Variants in SYNE2 observed in about 807,000 individuals in gnomAD.
SYNE2 encodes nesprin-2.
Under a neutral mutation model 856.3 loss-of-function variants are expected in SYNE2, and 431 were observed. The ratio of observed to expected loss-of-function variants is 0.50; its 90% CI spans 0.47 to 0.55. The LOEUF (loss-of-function observed/expected upper bound fraction) is 0.55, where lower values mean the gene tolerates loss of function less well. Ranked by LOEUF, SYNE2 falls within the 20% of genes least tolerant of loss-of-function variation. The probability of loss-of-function intolerance (pLI) is 0.00; values close to 1 mark genes in which losing one functional copy is unlikely to be tolerated. For missense variants in SYNE2, 8,129 were observed against 8,023.2 expected, an observed-to-expected ratio of 1.01 and a Z score of -0.50; for synonymous variants, 2,923 against 2,872.3, an observed-to-expected ratio of 1.02 and a Z score of -0.56.
chr14:64,041,447 G>C (rs966822294), intron 45 of SYNE2, among the ~76,000 whole-genome samples: 1 of 151,938 alleles, frequency 6.6e-6, no homozygotes, highest in Admixed American at 6.6e-5. Flanking sequence ...TTAATATCCA[G>C]AATACAAAAA....
At chr14:64,139,844 G>A (rs1339855506) in intron 79 of SYNE2, 97 bp from the exon 80 acceptor site, 1 of 1,193,092 alleles carries the variant, frequency 8.4e-7, no homozygotes, top group South Asian at 1.2e-5. Flanking sequence ...GATCAACATA[G>A]GAGGACATAC....
chr14:63,963,249 A>G (rs2096345585), intron 9 of SYNE2, among the ~76,000 whole-genome samples: 1 of 152,240 alleles, frequency 6.6e-6, no homozygotes, highest in Non-Finnish European at 1.5e-5. Flanking sequence ...TATTAAAAAA[A>G]TAAAATGAAA....
chr14:63,923,391 A>G (rs1371346764), intron 2 of SYNE2, among the ~76,000 whole-genome samples: 1 of 152,278 alleles, frequency 6.6e-6, no homozygotes, highest in Non-Finnish European at 1.5e-5. Flanking sequence ...GGCTCAAAGT[A>G]GAAATCACTG....
chr14:64,185,297 C>T (rs2098483003), intron 96 of SYNE2, among the ~76,000 whole-genome samples: 1 of 152,022 alleles, frequency 6.6e-6, no homozygotes, highest in African/African-American at 2.4e-5. Context: ...GGCATAGTAT[C>T]TTATTTCAGA....
intron 57 of SYNE2, among the ~76,000 whole-genome samples, chr14:64,083,562 T>A (rs1342739817): frequency 2.0e-5 from 3 of 152,210 alleles, no homozygotes; most frequent in African/African-American, 7.2e-5. Flanking sequence ...GGAAAGGAAG[T>A]AGGGACAAGG....
At position 64,134,153 on chromosome 14, in the gene SYNE2, G is replaced by A. The variant is rs146138438; in HGVS notation, c.14599G>A (p.Val4867Met). The A allele has an allele frequency of 2.5e-6, 4 of 1,613,902 alleles. No homozygotes were observed. The highest frequency in any genetic ancestry group is 2.7e-5 in the African/African-American group (2 of 74,920). The stretch of plus-strand genomic sequence containing the variant: ...ATCTACATTGCCCTCTGTGAGTTTG[G>A]TGGAAGAAACAGAGGAAAGATTAGT... ...LISTLPSVSL[V>M]EETEERLVER... Residue 4867 changes from valine to methionine, a missense_variant, in exon 78 of 116, where the codon GTG (valine) becomes ATG (methionine). By Grantham distance (21) the Val-to-Met change is conservative. Around this residue, in one of 3 missense-constraint regions of SYNE2, gnomAD observed 5,410 missense variants for 5,284.8 expected, o/e 1.02. Transcript: ENST00000555002.
chr14:63,987,082 T>C (rs112024756), intron 19 of SYNE2, among the ~76,000 whole-genome samples: 64 of 152,126 alleles, frequency 4.2e-4, no homozygotes, highest in African/African-American at 1.4e-3. Context: ...TGAAATCCCG[T>C]CTCTACTGAA....
intron 47 of SYNE2, among the ~76,000 whole-genome samples, chr14:64,050,532 C>G (rs954317382): frequency 4.6e-5 from 7 of 152,012 alleles, no homozygotes; most frequent in African/African-American, 1.5e-4. Flanking sequence ...GAATTCTAAA[C>G]TATGTGGGCA....
chr14:63,800,825 G>A (rs1888099217), intron 1 of SYNE2, among the ~76,000 whole-genome samples: 1 of 152,142 alleles, frequency 6.6e-6, no homozygotes, highest in Admixed American at 6.5e-5. Context: ...GAATCTGGGA[G>A]GAGGGAGAGG....
chr14:63,815,087 T>C (rs567716992), intron 1 of SYNE2, among the ~76,000 whole-genome samples: 5 of 132,932 alleles, frequency 3.8e-5, no homozygotes, highest in African/African-American at 1.4e-4. Context: ...TATCCATATA[T>C]ATGCACATAT....
intron 11 of SYNE2, among the ~76,000 whole-genome samples, chr14:63,974,892 G>GTGTA (rs1375697679): frequency 2.2e-4 from 15 of 67,324 alleles, no homozygotes; most frequent in Admixed American, 9.5e-4. Context: ...GTGTGTGTGT[G>GTGTA]TATATATATA....
chr14:63,823,623 AT>A (rs34883942), intron 1 of SYNE2, among the ~76,000 whole-genome samples: 61,089 of 142,784 alleles, frequency 0.43, 13,157 homozygotes, highest in South Asian at 0.54. Context: ...TGGAAGGAAC[AT>A]TTTTTTTTTT....
chr14:63,945,005 A>C, intron 6 of SYNE2, among the ~76,000 whole-genome samples: 1 of 147,730 alleles, frequency 6.8e-6, no homozygotes, highest in Non-Finnish European at 1.5e-5. Flanking sequence ...ACTGAGTTTC[A>C]CCATGTTGGC....
chr14:63,834,821 AG>A (rs1889791558), intron 1 of SYNE2, among the ~76,000 whole-genome samples: 1 of 151,214 alleles, frequency 6.6e-6, no homozygotes, highest in African/African-American at 2.4e-5. Context: ...TTGTATTTTT[AG>A]TAGAGACAGA....
chr14:64,125,299 C>G (rs1271206818), intron 71 of SYNE2, 89 bp downstream of exon 71: 1 of 1,561,966 alleles, frequency 6.4e-7, no homozygotes, highest in African/African-American at 1.4e-5. Context: ...ATTGTCGTCA[C>G]TGAACAAGTC....
At chr14:63,849,265 CTTTT>C (rs35001530), upstream of SYNE2, among the ~76,000 whole-genome samples, 84 of 127,122 alleles carry the variant, frequency 6.6e-4, no homozygotes, top group Non-Finnish European at 1.0e-3. Flanking sequence ...AGTTAATCTC[CTTTT>C]TTTTTTTTTT....
chr14:64,018,835 T>G (rs1370282046), intron 34 of SYNE2, among the ~76,000 whole-genome samples: 1 of 152,210 alleles, frequency 6.6e-6, no homozygotes, highest in African/African-American at 2.4e-5. Context: ...ATCACCATCT[T>G]TATAGAGCTT....
intron 1 of SYNE2, among the ~76,000 whole-genome samples, chr14:63,802,406 C>T (rs1266606475): frequency 6.6e-6 from 1 of 152,028 alleles, no homozygotes; most frequent in Non-Finnish European, 1.5e-5. Flanking sequence ...TACATCCGGC[C>T]ACAGACTTGT....
intron 54 of SYNE2, among the ~76,000 whole-genome samples, chr14:64,076,658 G>A (rs1276815033): frequency 1.3e-5 from 2 of 150,680 alleles, no homozygotes; most frequent in African/African-American, 2.4e-5. Flanking sequence ...TAGGAGCTTA[G>A]CAAGATATTT....
Sources: allele counts gnomAD v4.1 joint callset (sites outside exome capture counted in the v4.1 genomes callset), GRCh38; gene constraint gnomAD v4.1.1; regional missense constraint gnomAD v4.1.1; transcripts MANE v1.5; gene names NCBI Gene and HGNC (gene_info 2026-07-23, HGNC 2026-07-21).